Variants in TMEM145 observed in about 807,000 individuals in gnomAD.
TMEM145 encodes the protein transmembrane protein 145.
TMEM145 carries 46 observed loss-of-function variants against 68.5 expected under a neutral mutation model. The observed-to-expected ratio is 0.67, with a 90% CI of 0.53 to 0.86. The LOEUF is 0.86. Among genes scored for constraint, TMEM145 ranks in the 40% least tolerant of loss-of-function variants. TMEM145 has a pLI of 0.00. For missense variants in TMEM145, 570 were observed against 645.8 expected, an observed-to-expected ratio of 0.88 and a Z score of 1.27; for synonymous variants, 255 against 280.2, an observed-to-expected ratio of 0.91 and a Z score of 0.90.
chr19:42,315,262 G>C lies in TMEM145; in HGVS notation c.577+3G>C, dbSNP rs577867118. On this transcript the variant is annotated splice_donor_region_variant and intron_variant, in intron 7 of 14. Coordinates refer to ENST00000301204, the MANE Select transcript of TMEM145 (RefSeq NM_173633.3). ...CTTCCTCTCTTGTTACTTTGGATGT[G>C]AGTCTGGCACATGGGGTGTGGGGGA... is the stretch of plus-strand genomic sequence containing the variant. 2 of 1,610,312 alleles carry C rather than the reference G, an allele frequency of 1.2e-6. No individual in the cohort carries two copies. The highest frequency in any genetic ancestry group is 1.7e-6 in the Non-Finnish European group (2 of 1,177,274).
chr19:42,319,860 C>T (rs553016703), intron 12 of TMEM145, among the ~76,000 whole-genome samples: 144 of 150,980 alleles, frequency 9.5e-4, no homozygotes, highest in Non-Finnish European at 1.4e-3. Context: ...CCCAGGTTCA[C>T]GTGATTCCCC....
At position 42,317,857 on chromosome 19, in the gene TMEM145, C is replaced by T. The variant is rs774478132; in HGVS notation, c.1049C>T (p.Pro350Leu). ...CCTGAGAAGCAGCCTTTTTATGTGC[C>T]CTTCTTTGCTGCCTATACCCTCTGG... The part of the protein sequence containing the change: ...HFPEKQPFYV[P>L]FFAAYTLWFF... The change falls in exon 12 of 15, where the codon CCC becomes CTC. Residue 350 changes from proline (P) to leucine (L), a missense_variant. Pro to Leu is a moderately conservative substitution (Grantham distance 98). Coordinates refer to ENST00000301204, the MANE Select transcript of TMEM145 (RefSeq NM_173633.3). 5 of 1,614,114 alleles carry T rather than the reference C, an allele frequency of 3.1e-6. No individual in the cohort carries two copies. The highest frequency in any genetic ancestry group is 2.2e-5 in the South Asian group (2 of 91,068).
At chr19:42,318,771 T>C (rs544027315) in intron 12 of TMEM145, among the ~76,000 whole-genome samples, 4 of 151,020 alleles carry the variant, frequency 2.6e-5, no homozygotes, top group Admixed American at 2.6e-4. Flanking sequence ...GTCTGGCACA[T>C]AGTAAATGTT....
intron 12 of TMEM145, among the ~76,000 whole-genome samples, chr19:42,319,047 G>A (rs2038887331): frequency 6.6e-6 from 1 of 152,134 alleles, no homozygotes; most frequent in Admixed American, 6.5e-5. Context: ...TCGTGCCCCT[G>A]TACTCTAGCC....
At chr19:42,323,831 G>A in intron 14 of TMEM145, 42 bp downstream of exon 14, 1 of 1,582,926 alleles carries the variant, frequency 6.3e-7, no homozygotes, top group Non-Finnish European at 8.7e-7. Context: ...TGCTGGCGCC[G>A]CCCCTGGAGT....
chr19:42,317,103 C>T, intron 11 of TMEM145, 140 bp downstream of exon 11: 1 of 719,756 alleles, frequency 1.4e-6, no homozygotes, highest in Middle Eastern at 3.7e-4. Flanking sequence ...TTTCTGCTTT[C>T]CCATCTGTCT....
chr19:42,315,862 T>G (rs2038851320), intron 8 of TMEM145, among the ~76,000 whole-genome samples: 2 of 152,050 alleles, frequency 1.3e-5, no homozygotes, highest in Non-Finnish European at 2.9e-5. Context: ...AAACCCTGTC[T>G]CCACTAAAAA....
Position 42,313,675 on chromosome 19 carries a change from G to A in TMEM145, c.120+179G>A, listed in dbSNP as rs1599975296. Among the ~76,000 whole-genome samples, 1 of 152,280 alleles carries A rather than the reference G, an allele frequency of 6.6e-6. No homozygotes were observed. The highest frequency in any genetic ancestry group is 2.1e-4 in the South Asian group (1 of 4,828). ...AGAGTCGAGGCTAAGGGGAGCCGTA[G>A]GGTCGCGGCCAGACCTGGGGGTTGT... is the stretch of plus-strand genomic sequence containing the variant. On this transcript the variant is annotated intron_variant, in intron 1 of 14. Coordinates refer to ENST00000301204, the MANE Select transcript of TMEM145 (RefSeq NM_173633.3). This position sits in a 1 kb window ranked among gnomAD's most constrained non-coding sequence, Gnocchi z 5.1.
Position 42,324,848 on chromosome 19 carries a change from C to T in TMEM145, c.*31C>T. On this transcript the variant is annotated 3_prime_UTR_variant, in exon 15 of 15. Transcript: ENST00000301204. ...CTGGACTCCGGAACACCCGTGGTGACCGCCGGGACCCTGCCTGTGACTCTC... is the reference window on the plus strand; with the variant it reads ...CTGGACTCCGGAACACCCGTGGTGATCGCCGGGACCCTGCCTGTGACTCTC... 1.3e-6 allele frequency: 2 copies of T among 1,515,388 alleles called. No homozygotes were observed. Among genetic ancestry groups the T allele is most frequent in the South Asian group, 2.5e-5 (2 of 79,490 alleles). 93.9% of individuals were successfully genotyped at this position (1,515,388 alleles called of 1,614,324 possible). A position where few individuals can be genotyped will look rare whatever the true frequency, so the allele number is the denominator to read the frequency against.
Position 42,320,339 on chromosome 19 carries a change from G to A in TMEM145, c.1096G>A (p.Ala366Thr), listed in dbSNP as rs1226326076. The change falls in exon 13 of 15, where the codon GCC becomes ACC. Residue 366 changes from alanine to threonine, a missense_variant. By Grantham distance (58) the Ala-to-Thr change is moderately conservative. Coordinates refer to ENST00000301204, the MANE Select transcript of TMEM145 (RefSeq NM_173633.3). ...TLWFFAVPVMALIANFGIPKW... is the reference protein window; with the variant it reads ...TLWFFAVPVMTLIANFGIPKW... ...CAGGTTCTTTGCGGTTCCTGTCATG[G>A]CCCTGATTGCCAATTTCGGCATCCC... 3 of 1,614,106 alleles carry A rather than the reference G, an allele frequency of 1.9e-6. No individual in the cohort carries two copies. The Admixed American group carries it at 5.0e-5, about 27-fold the overall frequency.
intron 8 of TMEM145, among the ~76,000 whole-genome samples, chr19:42,316,252 C>G (rs1470480033): frequency 2.5e-5 from 2 of 79,752 alleles, no homozygotes; most frequent in African/African-American, 1.0e-4. Flanking sequence ...GGGTGAGGGC[C>G]TGGACCCCTG....
At position 42,320,415 on chromosome 19, in the gene TMEM145, T is replaced by G; in HGVS notation, c.1172T>G (p.Leu391Trp). 6.2e-7 allele frequency: 1 copy of G among 1,614,068 alleles called. No homozygotes were observed. Among genetic ancestry groups the G allele is most frequent in the Non-Finnish European group, 8.5e-7 (1 of 1,180,024 alleles). The change falls in exon 13 of 15, where the codon TTG (leucine) becomes TGG (tryptophan). Residue 391 changes from leucine to tryptophan, a missense_variant. Coordinates refer to ENST00000301204, the MANE Select transcript of TMEM145 (RefSeq NM_173633.3). ...AATGGCATCCAGCTGGGGATCCACT[T>G]GTACGCCCATGGCGTGTTTCTGGTG... Reference protein sequence around the residue: ...IVNGIQLGIHLYAHGVFLIMT... With the variant: ...IVNGIQLGIHWYAHGVFLIMT...
Position 42,313,840 on chromosome 19 carries a change from T to C in TMEM145, c.120+344T>C, listed in dbSNP as rs1259436391. Among the ~76,000 whole-genome samples the C allele has an allele frequency of 1.3e-5, 2 of 151,492 alleles. No homozygotes were observed. The highest frequency in any genetic ancestry group is 2.9e-5 in the Non-Finnish European group (2 of 67,886). On this transcript the variant is annotated intron_variant, in intron 1 of 14. Transcript: ENST00000301204. The surrounding 1 kb of genome is among the most constrained non-coding windows in gnomAD (Gnocchi z 5.1). ...GAGAGCCCCGAGCTCGCCGCCACAC[T>C]CCCGCTCAGGACCGGGAGGGGGCCG...
intron 12 of TMEM145, among the ~76,000 whole-genome samples, chr19:42,319,807 T>G (rs1255388560): frequency 6.7e-6 from 1 of 148,158 alleles, no homozygotes; most frequent in Non-Finnish European, 1.5e-5. Flanking sequence ...TTGCCCAGGC[T>G]GGAGTGCAGT....
In TMEM145 at chr19:42,315,211, TTCC is replaced by T; in HGVS notation, c.535_537del (p.Leu179del). 6.2e-7 allele frequency: 1 copy of T among 1,608,232 alleles called. No homozygotes were observed. Among genetic ancestry groups the T allele is most frequent in the South Asian group, 1.1e-5 (1 of 90,516 alleles). ...AGGGATCCTGGAGACAGATGTGACC[TTCC>T]TCCTCATCTTCATCCTCATCTTCTT... On this transcript the variant is annotated inframe_deletion, in exon 7 of 15. Transcript: ENST00000301204.
intron 13 of TMEM145, 121 bp from the exon 14 acceptor site, chr19:42,323,462 G>C: frequency 1.1e-6 from 1 of 940,834 alleles, no homozygotes; most frequent in Admixed American, 2.1e-5. Flanking sequence ...AATCCAGTGT[G>C]AATGGCTTCA....
intron 5 of TMEM145, 43 bp downstream of exon 5, chr19:42,314,894 G>T: frequency 6.2e-7 from 1 of 1,614,182 alleles, no homozygotes; most frequent in Non-Finnish European, 8.5e-7. Context: ...CAAGTGTGGG[G>T]TAAGGGGCTG....
intron 5 of TMEM145, 40 bp from the exon 6 acceptor site, chr19:42,314,953 C>A (rs1344532983): frequency 6.2e-7 from 1 of 1,613,624 alleles, no homozygotes; most frequent in East Asian, 2.2e-5. Context: ...CAACCCCCAA[C>A]TTGCCCAGGG....
In TMEM145 at chr19:42,316,566, G is replaced by C; in HGVS notation, c.727+5G>C. 5.6e-6 allele frequency: 9 copies of C among 1,613,908 alleles called. No individual in the cohort carries two copies. The highest frequency in any genetic ancestry group is 6.8e-6 in the Non-Finnish European group (8 of 1,179,916). On this transcript the variant is annotated splice_donor_5th_base_variant and intron_variant, in intron 9 of 14. Transcript: ENST00000301204. ...ACGAGAGTGTGAAGATCTTGGGTGA[G>C]AATGAAGCTGGGTGGGGAGAGGGTG...
Sources: allele counts gnomAD v4.1 joint callset (sites outside exome capture counted in the v4.1 genomes callset), GRCh38; gene constraint gnomAD v4.1.1; non-coding constraint Gnocchi (gnomAD v3.1); transcripts MANE v1.5; gene names NCBI Gene and HGNC (gene_info 2026-07-23, HGNC 2026-07-21).